The following CHSY3 variants were observed in gnomAD, a reference collection of about 807,000 sequenced individuals.
The protein encoded by CHSY3 is N-acetylgalactosaminyl-proteoglycan 3-beta-glucuronosyltransferase 3.
CHSY3 carries 35 observed loss-of-function variants against 67.2 expected under a neutral mutation model. The observed-to-expected ratio is 0.52, with a 90% CI of 0.40 to 0.69. The LOEUF (loss-of-function observed/expected upper bound fraction) is 0.69. Ranked by LOEUF, CHSY3 falls within the 30% of genes least tolerant of loss-of-function variation. The probability of loss-of-function intolerance (pLI) is 0.00; values close to 1 mark genes in which losing one functional copy is unlikely to be tolerated. For missense variants in CHSY3, 1,069 were observed against 1,138.5 expected, an observed-to-expected ratio of 0.94 and a Z score of 0.88; for synonymous variants, 474 against 434.7, an observed-to-expected ratio of 1.09 and a Z score of -1.12.
intron 2 of CHSY3, among the ~76,000 whole-genome samples, chr5:129,970,606 A>G (rs1245591734): frequency 1.3e-5 from 2 of 151,922 alleles, no homozygotes; most frequent in Admixed American, 1.3e-4. Context: ...ATCAGGCTAA[A>G]GAATTTTGTG....
At chr5:130,091,146 G>GCACACA (rs148312347) in intron 2 of CHSY3, among the ~76,000 whole-genome samples, 1,705 of 149,504 alleles carry the variant, frequency 0.011, 39 homozygotes, top group African/African-American at 0.038. Flanking sequence ...GCACACGCGC[G>GCACACA]CACACACACA....
At chr5:130,049,980 C>T (rs1362837712) in intron 2 of CHSY3, among the ~76,000 whole-genome samples, 1 of 151,952 alleles carries the variant, frequency 6.6e-6, no homozygotes, top group Non-Finnish European at 1.5e-5. Context: ...AGTAGAATCT[C>T]ATACCTTAAG....
intron 2 of CHSY3, among the ~76,000 whole-genome samples, chr5:130,018,001 A>G (rs1023771507): frequency 1.3e-5 from 2 of 152,128 alleles, no homozygotes; most frequent in African/African-American, 4.8e-5. Flanking sequence ...TTCTGTGCCC[A>G]CTGTCTGGTA....
chr5:130,003,500 G>A lies in CHSY3; in HGVS notation c.1086+95140G>A, dbSNP rs543807978. On this transcript the variant is annotated intron_variant, in intron 2 of 2. Coordinates refer to ENST00000305031, the MANE Select transcript of CHSY3 (RefSeq NM_175856.5). ...CTCAAGTTAGGCTCAGTGAAAGGCC[G>A]TGCTGTGTTCTTCCCAAGCACAATT... is the stretch of plus-strand genomic sequence containing the variant. Among the ~76,000 whole-genome samples the A allele has an allele frequency of 5.4e-4, 82 of 152,236 alleles. 1 individual carries two copies. Among genetic ancestry groups the A allele is most frequent in the African/African-American group, 1.9e-3 (80 of 41,536 alleles).
At chr5:129,945,392 G>T (rs1761821686) in intron 2 of CHSY3, among the ~76,000 whole-genome samples, 1 of 152,138 alleles carries the variant, frequency 6.6e-6, no homozygotes, top group South Asian at 2.1e-4. Context: ...GCTTAAAGTT[G>T]TGAGAGAAAA....
At chr5:130,063,236 G>T (rs957974024) in intron 2 of CHSY3, among the ~76,000 whole-genome samples, 1 of 152,050 alleles carries the variant, frequency 6.6e-6, no homozygotes, top group Non-Finnish European at 1.5e-5. Context: ...GATTTTGGGG[G>T]TGGGGAGAGT....
At chr5:129,918,920 A>T (rs1760822916) in intron 2 of CHSY3, among the ~76,000 whole-genome samples, 1 of 149,018 alleles carries the variant, frequency 6.7e-6, no homozygotes. Context: ...ATCCTGGCTA[A>T]CAAGGTGAAA....
intron 2 of CHSY3, among the ~76,000 whole-genome samples, chr5:129,925,510 A>G (rs1421870709): frequency 6.6e-6 from 1 of 152,336 alleles, no homozygotes. Flanking sequence ...TGTATACATT[A>G]TGGAATGGCT....
intron 2 of CHSY3, among the ~76,000 whole-genome samples, chr5:129,922,126 C>T (rs983273807): frequency 6.6e-6 from 1 of 152,122 alleles, no homozygotes; most frequent in Non-Finnish European, 1.5e-5. Context: ...TAACATAATG[C>T]CCTCTTGTTC....
intron 2 of CHSY3, among the ~76,000 whole-genome samples, chr5:129,928,879 A>G (rs962738519): frequency 1.3e-5 from 2 of 152,166 alleles, no homozygotes; most frequent in African/African-American, 4.8e-5. Flanking sequence ...TCTTTGCCCT[A>G]TGCCACAAAT....
chr5:130,184,882 C>A lies in CHSY3; in HGVS notation c.1740C>A (p.Val580=). The A allele has an allele frequency of 6.3e-7, 1 of 1,576,306 alleles. No individual in the cohort carries two copies. The highest frequency in any genetic ancestry group is 8.7e-7 in the Non-Finnish European group (1 of 1,145,588). Residue 580 remains valine, a synonymous_variant, in exon 3 of 3, where the codon GTC becomes GTA. Coordinates refer to ENST00000305031, the MANE Select transcript of CHSY3 (RefSeq NM_175856.5). ...PFFRETEELD[V]NSLVESINSE... ...TCAGAGAGACCGAAGAGCTAGATGT[C>A]AACAGTCTTGTGGAGAGTATTAACA...
chr5:130,180,731 A>G (rs911590863), intron 2 of CHSY3, among the ~76,000 whole-genome samples: 40 of 151,756 alleles, frequency 2.6e-4, no homozygotes, highest in Admixed American at 1.1e-3. Context: ...GCATGCACCT[A>G]TAAGTCCTAG....
rs200049110 is a variant in CHSY3 at position 130,152,760 on chromosome 5, GC to G, written c.1087-31466del. 9.8e-3 allele frequency among the ~76,000 whole-genome samples: 1,492 copies of G among 152,302 alleles called. 30 individuals carry two copies. Among genetic ancestry groups the G allele is most frequent in the African/African-American group, 0.034 (1,419 of 41,556 alleles). On this transcript the variant is annotated intron_variant, in intron 2 of 2. Coordinates refer to ENST00000305031, the MANE Select transcript of CHSY3 (RefSeq NM_175856.5). ...GGAAGCTTGACTGATAATATTTAAT[GC>G]CCTTGGAACATCTGTAAAATGGCCT...
chr5:129,928,684 A>G (rs1352709453), intron 2 of CHSY3, among the ~76,000 whole-genome samples: 1 of 152,154 alleles, frequency 6.6e-6, no homozygotes, highest in Non-Finnish European at 1.5e-5. Flanking sequence ...CTGGTATTTT[A>G]TTATGCTGCT....
chr5:130,143,756 A>ATATATATATATATATGTGTGTG (rs1433405052), intron 2 of CHSY3, among the ~76,000 whole-genome samples: 1 of 101,916 alleles, frequency 9.8e-6, no homozygotes, highest in African/African-American at 4.8e-5. Flanking sequence ...ATATATATAT[A>ATATATATATATATATGTGTGTG]TGTGTGTGTG....
intron 2 of CHSY3, among the ~76,000 whole-genome samples, chr5:130,165,796 A>G (rs1467956246): frequency 1.3e-5 from 2 of 152,076 alleles, no homozygotes; most frequent in African/African-American, 4.8e-5. Flanking sequence ...TTTTTTCCTT[A>G]TAAATGGCTA....
intron 2 of CHSY3, among the ~76,000 whole-genome samples, chr5:129,987,314 T>C (rs1250394507): frequency 6.6e-6 from 1 of 152,174 alleles, no homozygotes; most frequent in East Asian, 1.9e-4. Context: ...GGACACACTA[T>C]ATAAAAGTAA....
At chr5:129,975,842 T>A (rs565358286) in intron 2 of CHSY3, among the ~76,000 whole-genome samples, 1 of 152,142 alleles carries the variant, frequency 6.6e-6, no homozygotes, top group Admixed American at 6.6e-5. Context: ...CTCTTAAGTA[T>A]TTTGTATAGG....
chr5:130,090,895 C>T (rs1044176951), intron 2 of CHSY3, among the ~76,000 whole-genome samples: 2 of 152,080 alleles, frequency 1.3e-5, no homozygotes, highest in Non-Finnish European at 2.9e-5. Context: ...TTGCCTTTGC[C>T]TATGAAATAA....
Sources: gnomAD v4.1 joint callset for allele counts (sites outside exome capture counted in the v4.1 genomes callset) on GRCh38, gnomAD v4.1.1 for gene constraint, MANE v1.5 for transcripts, NCBI Gene and HGNC (gene_info 2026-07-23, HGNC 2026-07-21) for gene names.